AHNAK: variants seen among roughly 807,000 people sequenced by gnomAD.
AHNAK encodes neuroblast differentiation-associated protein AHNAK.
Under a neutral mutation model 37.8 loss-of-function variants are expected in AHNAK, and 23 were observed. The ratio of observed to expected loss-of-function variants is 0.61; its 90% CI spans 0.44 to 0.86. The LOEUF is 0.86. Ranked by LOEUF, AHNAK falls within the 40% of genes least tolerant of loss-of-function variation. AHNAK has a pLI of 0.00. For missense variants in AHNAK, 7,411 were observed against 7,319.4 expected, an observed-to-expected ratio of 1.01 and a Z score of -0.46; for synonymous variants, 2,481 against 2,636.3, an observed-to-expected ratio of 0.94 and a Z score of 1.80.
At chr11:62,457,609 ACAGAGCAAG>A in intron 5 of AHNAK, among the ~76,000 whole-genome samples, 1 of 152,298 alleles carries the variant, frequency 6.6e-6, no homozygotes, top group East Asian at 1.9e-4. Context: ...AGTCTGGGTG[ACAGAGCAAG>A]ACTCCATCTC....
At chr11:62,488,502 A>G (rs1205534705) in intron 5 of AHNAK, among the ~76,000 whole-genome samples, 1 of 151,754 alleles carries the variant, frequency 6.6e-6, no homozygotes, top group Non-Finnish European at 1.5e-5. Context: ...CCTGGGTTCA[A>G]GCAATTCTCC....
At position 62,532,397 on chromosome 11, in the gene AHNAK, C is replaced by G. The variant is rs1280559762; in HGVS notation, c.2020G>C (p.Glu674Gln). Residue 674 changes from glutamate to glutamine, a missense_variant, in exon 5 of 5, where the codon GAG becomes CAG. Transcript: ENST00000378024. Reference sequence around the variant, plus strand: ...CCTTTAAGTTTTCCCCCCAGACCCTCCAAGTTGACATCTGGGGCTTCCACA... The same window carrying G: ...CCTTTAAGTTTTCCCCCCAGACCCTGCAAGTTGACATCTGGGGCTTCCACA... ...VNVEAPDVNL[E>Q]GLGGKLKGPD... 4 of 1,614,056 alleles carry G rather than the reference C, an allele frequency of 2.5e-6. No individual in the cohort carries two copies. The Admixed American group carries it at 6.7e-5, about 27-fold the overall frequency.
chr11:62,525,701 C>T lies in AHNAK; in HGVS notation c.8716G>A (p.Gly2906Ser). ...ACTTCAGGGCCCTCTGCTTTGAAGC[C>T]AGGCATGCTGAACTTGGGCATTTTC... ...KMKMPKFSMP[G>S]FKAEGPEVDV... Residue 2906 changes from glycine (G) to serine (S), a missense_variant, in exon 5 of 5, where the codon GGC becomes AGC. By Grantham distance (56) the Gly-to-Ser change is moderately conservative (BLOSUM62 0). Transcript: ENST00000378024. The T allele has an allele frequency of 1.2e-6, 2 of 1,613,666 alleles. No homozygotes were observed. The highest frequency in any genetic ancestry group is 1.7e-6 in the Non-Finnish European group (2 of 1,179,918).
chr11:62,465,324 C>T (rs1394647117), intron 5 of AHNAK, among the ~76,000 whole-genome samples: 4 of 152,096 alleles, frequency 2.6e-5, no homozygotes, highest in South Asian at 2.1e-4. Flanking sequence ...TCAAATTTTA[C>T]CGTGCGGTCG....
chr11:62,527,739 G>C lies in AHNAK; in HGVS notation c.6678C>G (p.Asp2226Glu). The C allele has an allele frequency of 6.2e-7, 1 of 1,613,934 alleles. No homozygotes were observed. Among genetic ancestry groups the C allele is most frequent in the South Asian group, 1.1e-5 (1 of 91,072 alleles). ...PDVDIRGPKV[D>E]IDAPDVDVHG... ...GAACATCCACATCTGGGGCATCAAT[G>C]TCCACTTTGGGCCCTCTGATGTCAA... Residue 2226 changes from aspartate to glutamate, a missense_variant, in exon 5 of 5, where the codon GAC becomes GAG. Coordinates refer to ENST00000378024, the MANE Select transcript of AHNAK (RefSeq NM_001620.3).
In AHNAK at chr11:62,533,677, G is replaced by A. The variant is rs754282606; in HGVS notation, c.740C>T (p.Thr247Ile). 1.9e-6 allele frequency: 3 copies of A among 1,614,080 alleles called. No individual in the cohort carries two copies. In the South Asian group the frequency reaches 3.3e-5, roughly 18 times the overall value. The change falls in exon 5 of 5, where the codon ACC (threonine) becomes ATC (isoleucine). Residue 247 changes from threonine (T) to isoleucine (I), a missense_variant. Physicochemically the swap from Thr to Ile is moderately conservative, Grantham distance 89. Transcript: ENST00000378024. ...QGAGHSKLQV[T>I]MPGIKVGGSG... is the part of the protein sequence containing the mutation. ...GCCTCCCACCTTTATCCCAGGCATGGTGACCTGGAGCTTCGAGTGGCCAGC... is the reference window on the plus strand; with the variant it reads ...GCCTCCCACCTTTATCCCAGGCATGATGACCTGGAGCTTCGAGTGGCCAGC...
At position 62,517,371 on chromosome 11, in the gene AHNAK, A is replaced by G. The variant is rs780142562; in HGVS notation, c.17046T>C (p.Val5682=). The G allele has an allele frequency of 5.0e-6, 8 of 1,614,152 alleles. No individual in the cohort carries two copies. The highest frequency in any genetic ancestry group is 6.8e-6 in the Non-Finnish European group (8 of 1,180,012). The change falls in exon 5 of 5, where the codon GTT becomes GTC. Residue 5682 remains valine, a synonymous_variant. Transcript: ENST00000378024. The part of the protein sequence containing the change: ...ELVGREMGVD[V]HFPKAEASIQ... The stretch of plus-strand genomic sequence containing the variant: ...TGCTGGCCTCTGCTTTAGGGAAGTG[A>G]ACATCCACCCCCATTTCTCTGCCAA...
rs1356709632 is a variant in AHNAK, at chr11:62,518,648, C to A, written c.15769G>T (p.Ala5257Ser). 6.2e-7 allele frequency: 1 copy of A among 1,614,084 alleles called. No individual in the cohort carries two copies. The highest frequency in any genetic ancestry group is 1.3e-5 in the African/African-American group (1 of 74,934). The change falls in exon 5 of 5, where the codon GCC (alanine) becomes TCC (serine). Residue 5257 changes from alanine (A) to serine (S), a missense_variant. Physicochemically the swap from Ala to Ser is moderately conservative, Grantham distance 99. Coordinates refer to ENST00000378024, the MANE Select transcript of AHNAK (RefSeq NM_001620.3). Reference sequence around the variant, plus strand: ...TCTCCTTCAAGAGAGGGTAGCTGGGCATGGACCTCGGCTCCCCCACCCTCC... The same window carrying A: ...TCTCCTTCAAGAGAGGGTAGCTGGGAATGGACCTCGGCTCCCCCACCCTCC... The part of the protein sequence containing the change: ...KMEGGGAEVH[A>S]QLPSLEGDLR...
In AHNAK at chr11:62,538,832, AATATAC is replaced by A. The variant is rs1401525916; in HGVS notation, c.-99-2271_-99-2266del. On this transcript the variant is annotated intron_variant, in intron 1 of 4. Coordinates refer to ENST00000378024, the MANE Select transcript of AHNAK (RefSeq NM_001620.3). ...CTTGGGAGCCTTCTAGGGGAAATGAAATATACATGGGGTCTTGAAGGTGCTACAGGT... is the reference window on the plus strand; with the variant it reads ...CTTGGGAGCCTTCTAGGGGAAATGAAATGGGGTCTTGAAGGTGCTACAGGT... 2.0e-5 allele frequency among the ~76,000 whole-genome samples: 3 copies of A among 152,330 alleles called. No individual in the cohort carries two copies. The East Asian group carries it at 5.8e-4, about 29-fold the overall frequency.
chr11:62,528,188 C>T lies in AHNAK; in HGVS notation c.6229G>A (p.Val2077Ile), dbSNP rs776230055. The T allele has an allele frequency of 2.7e-5, 43 of 1,613,954 alleles. No homozygotes were observed. Among genetic ancestry groups the T allele is most frequent in the African/African-American group, 8.0e-5 (6 of 74,874 alleles). ...EVDVNLPKAD[V>I]VVSGPKVDVE... ...TCCACCTTGGGTCCTGAGACAACAACATCAGCCTTGGGCAAGTTCACATCC... is the reference window on the plus strand; with the variant it reads ...TCCACCTTGGGTCCTGAGACAACAATATCAGCCTTGGGCAAGTTCACATCC... Residue 2077 changes from valine (V) to isoleucine (I), a missense_variant, in exon 5 of 5, where the codon GTT becomes ATT. Transcript: ENST00000378024.
intron 4 of AHNAK, among the ~76,000 whole-genome samples, chr11:62,500,161 C>T (rs563580123): frequency 2.0e-5 from 3 of 152,284 alleles, no homozygotes; most frequent in South Asian, 2.1e-4. Context: ...GTTGTATCCA[C>T]GCAATTAAGA....
At chr11:62,461,733 G>A (rs534385168) in intron 5 of AHNAK, among the ~76,000 whole-genome samples, 4 of 151,766 alleles carry the variant, frequency 2.6e-5, no homozygotes, top group South Asian at 2.1e-4. Context: ...GCTGAGGCAG[G>A]AGAATCACTT....
rs756447356 is a variant in AHNAK at position 62,536,049 on chromosome 11, C to T, written c.50G>A (p.Gly17Asp). 2.7e-5 allele frequency: 43 copies of T among 1,609,478 alleles called. No homozygotes were observed. Among genetic ancestry groups the T allele is most frequent in the Admixed American group, 2.0e-4 (12 of 59,492 alleles). ...TRELLLPNWQ[G>D]SGSHGLTIAQ... is the part of the protein sequence containing the mutation. ...GATGGTCAGCCCGTGGGAGCCACTA[C>T]CCTGCCAGTTGGGCAGCAGCAGCTC... Residue 17 changes from glycine to aspartate, a missense_variant, in exon 3 of 5, where the codon GGT becomes GAT. Physicochemically the swap from Gly to Asp is moderately conservative, Grantham distance 94 (BLOSUM62 -1). Coordinates refer to ENST00000378024, the MANE Select transcript of AHNAK (RefSeq NM_001620.3).
At chr11:62,489,750 G>C (rs1235185219) in intron 5 of AHNAK, among the ~76,000 whole-genome samples, 4 of 152,026 alleles carry the variant, frequency 2.6e-5, no homozygotes, top group Admixed American at 2.6e-4. Context: ...AGCCCCAAGA[G>C]GTTGCCCGGA....
At chr11:62,464,620 A>G (rs1387133624) in intron 5 of AHNAK, among the ~76,000 whole-genome samples, 2 of 151,736 alleles carry the variant, frequency 1.3e-5, no homozygotes, top group Non-Finnish European at 2.9e-5. Flanking sequence ...GTGAGTTGAG[A>G]TCGTGCCACT....
At chr11:62,538,321 T>C (rs77204557) in intron 1 of AHNAK, among the ~76,000 whole-genome samples, 5,955 of 152,270 alleles carry the variant, frequency 0.039, 185 homozygotes, top group African/African-American at 0.077. Context: ...AGCCAGGCCC[T>C]TATAGGTGCA....
intron 1 of AHNAK, among the ~76,000 whole-genome samples, chr11:62,536,959 ATTT>A (rs112312117): frequency 6.9e-6 from 1 of 144,816 alleles, no homozygotes; most frequent in Non-Finnish European, 1.5e-5. Flanking sequence ...TATTTTATTT[ATTT>A]TTTTTTTTTT....
At chr11:62,487,007 G>A (rs563234789) in intron 5 of AHNAK, among the ~76,000 whole-genome samples, 5 of 152,230 alleles carry the variant, frequency 3.3e-5, no homozygotes, top group East Asian at 3.9e-4. Context: ...AGAGAACATC[G>A]TGAAAGAGGA....
intron 1 of AHNAK, chr11:62,545,476 G>T: frequency 6.5e-6 from 1 of 152,830 alleles, no homozygotes; most frequent in Non-Finnish European, 1.5e-5. Context: ...GACCAGCCCT[G>T]CCAGGGACGG....
Sources: gnomAD v4.1 joint callset for allele counts (sites outside exome capture counted in the v4.1 genomes callset) on GRCh38, gnomAD v4.1.1 for gene constraint, MANE v1.5 for transcripts, NCBI Gene and HGNC (gene_info 2026-07-23, HGNC 2026-07-21) for gene names.